The following EBF4 variants were observed in gnomAD, a reference collection of about 807,000 sequenced individuals.
EBF4 encodes EBF transcription factor 4.
A neutral mutation model predicts 67.1 loss-of-function variants in EBF4; 34 were observed. That is an observed-to-expected ratio of 0.51 (90% CI 0.39 to 0.67). The LOEUF is 0.67. Among genes scored for constraint, EBF4 ranks in the 30% least tolerant of loss-of-function variants. The pLI is 0.00. For missense variants in EBF4, 837 were observed against 873.3 expected, an observed-to-expected ratio of 0.96 and a Z score of 0.52; for synonymous variants, 387 against 377.7, an observed-to-expected ratio of 1.02 and a Z score of -0.29.
intron 6 of EBF4, among the ~76,000 whole-genome samples, chr20:2,714,336 CTCTT>C (rs1026395891): frequency 1.1e-4 from 17 of 151,324 alleles, no homozygotes; most frequent in South Asian, 6.3e-4. Flanking sequence ...CTTTCTCTCT[CTCTT>C]TCTTTCTTTC....
At position 2,693,928 on chromosome 20, in the gene EBF4, A is replaced by T. The variant is rs1372793391; in HGVS notation, c.137+146A>T. 4.5e-6 allele frequency: 5 copies of T among 1,105,628 alleles called. No individual in the cohort carries two copies. In the South Asian group the frequency reaches 2.1e-4, roughly 46 times the overall value. The allele number at this position is 1,105,628 out of a possible 1,614,324, so 68.5% of individuals were successfully genotyped here. A position where few individuals can be genotyped will look rare whatever the true frequency, so the allele number is the denominator to read the frequency against. On this transcript the variant is annotated intron_variant, in intron 1 of 16. Transcript: ENST00000609451. The surrounding 1 kb of genome is among the most constrained non-coding windows in gnomAD (Gnocchi z 4.6). Reference sequence around the variant, plus strand: ...GAGCTCCCCGGCCCACCCCGTCCGGAGTGCCTGTGCTGCCTCCTGAGGCTG... The same window carrying T: ...GAGCTCCCCGGCCCACCCCGTCCGGTGTGCCTGTGCTGCCTCCTGAGGCTG...
chr20:2,732,873 C>T (rs897648766), intron 6 of EBF4, among the ~76,000 whole-genome samples: 4 of 151,928 alleles, frequency 2.6e-5, no homozygotes, highest in African/African-American at 9.7e-5. Context: ...CCCCTATCCC[C>T]ACAAATGTGC....
chr20:2,715,664 T>C (rs896417031), intron 6 of EBF4, among the ~76,000 whole-genome samples: 5 of 152,226 alleles, frequency 3.3e-5, no homozygotes, highest in Non-Finnish European at 7.3e-5. Flanking sequence ...ATCTGGTGGG[T>C]GTACAGGGCA....
upstream of EBF4, among the ~76,000 whole-genome samples, chr20:2,693,405 C>G (rs561477226): frequency 2.6e-5 from 4 of 151,718 alleles, no homozygotes; most frequent in Admixed American, 2.0e-4. The surrounding 1 kb of genome is among the most constrained non-coding windows in gnomAD (Gnocchi z 4.6). Flanking sequence ...GCGCTCAGGC[C>G]GCGGGGGAAT....
At chr20:2,705,490 G>T in intron 1 of EBF4, 87 bp from the exon 2 acceptor site, 1 of 1,534,934 alleles carries the variant, frequency 6.5e-7, no homozygotes, top group South Asian at 1.2e-5. Flanking sequence ...GCCATGTCCT[G>T]GCTAGCATGC....
intron 6 of EBF4, among the ~76,000 whole-genome samples, chr20:2,723,914 G>C (rs1399403778): frequency 6.6e-6 from 1 of 151,944 alleles, no homozygotes; most frequent in Non-Finnish European, 1.5e-5. Context: ...TATTTCATTT[G>C]ATGTGTGTGT....
At chr20:2,712,906 C>G (rs1374276476) in intron 6 of EBF4, among the ~76,000 whole-genome samples, 1 of 152,074 alleles carries the variant, frequency 6.6e-6, no homozygotes, top group Non-Finnish European at 1.5e-5. Context: ...AGGGACTGAC[C>G]ATTAGATTTA....
At chr20:2,749,674 G>A in exon 9 of EBF4, 2 of 1,567,716 alleles carry the variant, frequency 1.3e-6, no homozygotes, top group South Asian at 1.2e-5. Context: ...ACCACGGGCG[G>A]CGCCACCGTC....
intron 1 of EBF4, among the ~76,000 whole-genome samples, chr20:2,697,462 G>C (rs958916447): frequency 6.6e-6 from 1 of 151,452 alleles, no homozygotes; most frequent in African/African-American, 2.4e-5. Context: ...GGAGAATGGC[G>C]TGAACCCGGG....
intron 13 of EBF4, 47 bp downstream of exon 13, chr20:2,752,310 C>T (rs1568588486): frequency 8.3e-7 from 1 of 1,201,728 alleles, no homozygotes; most frequent in Middle Eastern, 3.3e-4. Flanking sequence ...CGCCACCGCC[C>T]CTCCCCGGCC....
At chr20:2,727,951 C>A (rs2087766806) in intron 6 of EBF4, among the ~76,000 whole-genome samples, 1 of 152,082 alleles carries the variant, frequency 6.6e-6, no homozygotes, top group African/African-American at 2.4e-5. Context: ...CTTCTATATT[C>A]TAGATAGTAA....
In EBF4 at chr20:2,749,991, G is replaced by T. The variant is rs1261238174; in HGVS notation, c.1018+18G>T. ...CTACACAGGTAAGGAGTCGGGCGGG[G>T]GAGTGGAGGTCTAAGGTGCGCGGAG... On this transcript the variant is annotated intron_variant, in intron 10 of 16. Transcript: ENST00000609451. 6.5e-7 allele frequency: 1 copy of T among 1,543,262 alleles called. No individual in the cohort carries two copies. The highest frequency in any genetic ancestry group is 2.0e-5 in the Admixed American group (1 of 50,210).
chr20:2,755,284 A>C lies in EBF4; in HGVS notation c.1541-343A>C. 3.3e-6 allele frequency: 1 copy of C among 299,012 alleles called. No homozygotes were observed. Among genetic ancestry groups the C allele is most frequent in the Non-Finnish European group, 6.3e-6 (1 of 159,856 alleles). 18.5% of individuals were successfully genotyped at this position (299,012 alleles called of 1,614,324 possible). ...CATAAATGTTTCCTAGCATCTCAGA[A>C]TCCCAGGGGTTTTCAGCAGAAATCC... On this transcript the variant is annotated intron_variant, in intron 14 of 16. Transcript: ENST00000609451. The surrounding 1 kb of genome is among the most constrained non-coding windows in gnomAD (Gnocchi z 4.7).
chr20:2,738,281 T>C (rs1261129645), intron 6 of EBF4, among the ~76,000 whole-genome samples: 1 of 152,152 alleles, frequency 6.6e-6, no homozygotes, highest in Non-Finnish European at 1.5e-5. Context: ...AACCCACAAC[T>C]TCTTTCCTTC....
intron 1 of EBF4, among the ~76,000 whole-genome samples, chr20:2,704,751 C>T (rs1292748578): frequency 6.6e-6 from 1 of 152,250 alleles, no homozygotes; most frequent in African/African-American, 2.4e-5. Flanking sequence ...ACCTCTCTCT[C>T]TGTCTCCCCT....
At chr20:2,706,369 C>A in intron 4 of EBF4, 105 bp downstream of exon 4, 1 of 1,317,424 alleles carries the variant, frequency 7.6e-7, no homozygotes, top group Non-Finnish European at 1.1e-6. Context: ...TCTCCCTATG[C>A]CCTCCGTCCC....
intron 6 of EBF4, among the ~76,000 whole-genome samples, chr20:2,732,049 A>G (rs927405378): frequency 1.3e-5 from 2 of 151,052 alleles, no homozygotes; most frequent in African/African-American, 2.4e-5. Context: ...TGTTCCTTCA[A>G]TTCTGTTAGT....
At chr20:2,697,320 C>A (rs1251097167) in intron 1 of EBF4, among the ~76,000 whole-genome samples, 1 of 151,842 alleles carries the variant, frequency 6.6e-6, no homozygotes, top group Non-Finnish European at 1.5e-5. Context: ...CCGAGGCAGG[C>A]AGATCACGAG....
At chr20:2,753,942 C>G (rs1170170950) in intron 14 of EBF4, among the ~76,000 whole-genome samples, 1 of 152,272 alleles carries the variant, frequency 6.6e-6, no homozygotes, top group Non-Finnish European at 1.5e-5. Flanking sequence ...GCAGTACCCT[C>G]ACAGCCTCTC....
Sources: allele counts gnomAD v4.1 joint callset (sites outside exome capture counted in the v4.1 genomes callset), GRCh38; gene constraint gnomAD v4.1.1; non-coding constraint Gnocchi (gnomAD v3.1); transcripts MANE v1.5; gene names NCBI Gene and HGNC (gene_info 2026-07-23, HGNC 2026-07-21).